The following TRMT2A variants were observed in gnomAD, a reference collection of about 807,000 sequenced individuals.
The protein encoded by TRMT2A is tRNA methyltransferase 2A.
TRMT2A carries 60 observed loss-of-function variants against 59.3 expected under a neutral mutation model. The observed-to-expected ratio is 1.01, with a 90% CI of 0.82 to 1.26. The LOEUF is 1.26. Among genes scored for constraint, TRMT2A ranks in the 50% most tolerant of loss-of-function variants. The pLI is 0.00. For missense variants in TRMT2A, 863 were observed against 845.2 expected (o/e 1.02, Z -0.26); for synonymous variants, 403 against 353.7 (o/e 1.14, Z -1.56).
Position 20,112,807 on chromosome 22 carries a change from AAG to A in TRMT2A, c.1647-15_1647-14del, listed in dbSNP as rs1491040431. ...GGCTCTGCAGAGGCTGTGGGGGGAA[AAG>A]GGGGGCGCTAAGGTCAGCCGATAGG... On this transcript the variant is annotated splice_polypyrimidine_tract_variant and intron_variant, in intron 11 of 11. Coordinates refer to ENST00000252136, the MANE Select transcript of TRMT2A (RefSeq NM_022727.6). The A allele has an allele frequency of 1.2e-6, 2 of 1,612,744 alleles. No individual in the cohort carries two copies. Among genetic ancestry groups the A allele is most frequent in the Non-Finnish European group, 1.7e-6 (2 of 1,179,928 alleles).
At position 20,112,282 on chromosome 22, in the gene TRMT2A, T is replaced by G. The variant is rs2147950612; in HGVS notation, c.*281A>C. The G allele has an allele frequency of 2.1e-6, 1 of 484,942 alleles. No homozygotes were observed. Among genetic ancestry groups the G allele is most frequent in the Non-Finnish European group, 3.7e-6 (1 of 273,328 alleles). 30.0% of individuals were successfully genotyped at this position (484,942 alleles called of 1,614,324 possible). A position where few individuals can be genotyped will look rare whatever the true frequency, so the allele number is the denominator to read the frequency against. On this transcript the variant is annotated 3_prime_UTR_variant, in exon 12 of 12. Coordinates refer to ENST00000252136, the MANE Select transcript of TRMT2A (RefSeq NM_022727.6). The stretch of plus-strand genomic sequence containing the variant: ...CAGGCCCTGTGTTCAGACCCCTGGC[T>G]CTCATCACAGAAACACCCTTTGTTG...
In TRMT2A at chr22:20,113,721, A is replaced by G. The variant is rs772573773; in HGVS notation, c.1321T>C (p.Cys441Arg). ...DAGSMVLDVC[C>R]GTGTIGLALA... ...GCCAGGCCAATGGTGCCGGTGCCAC[A>G]GCACACGTCCAGCACCATGCTCCCC... The change falls in exon 8 of 12, where the codon TGT (cysteine) becomes CGT (arginine). Residue 441 changes from cysteine to arginine, a missense_variant. Coordinates refer to ENST00000252136, the MANE Select transcript of TRMT2A (RefSeq NM_022727.6). 1.2e-6 allele frequency: 2 copies of G among 1,606,088 alleles called. No homozygotes were observed. The highest frequency in any genetic ancestry group is 1.7e-6 in the Non-Finnish European group (2 of 1,176,898).
At position 20,115,855 on chromosome 22, in the gene TRMT2A, C is replaced by A. The variant is rs1336682379; in HGVS notation, c.600-75G>T. On this transcript the variant is annotated intron_variant, in intron 2 of 11. Coordinates refer to ENST00000252136, the MANE Select transcript of TRMT2A (RefSeq NM_022727.6). ...CATGCCAGGCCACTCCCCAAATGTC[C>A]AGGCTCCTGACCCCTCCTTTGGGAT... is the stretch of plus-strand genomic sequence containing the variant. The A allele has an allele frequency of 2.0e-6, 3 of 1,476,466 alleles. No individual in the cohort carries two copies. In the East Asian group the frequency reaches 7.0e-5, roughly 35 times the overall value. The allele number at this position is 1,476,466 out of a possible 1,614,324, so 91.5% of individuals were successfully genotyped here. A position where few individuals can be genotyped will look rare whatever the true frequency, so the allele number is the denominator to read the frequency against.
rs1261939222 is a variant in TRMT2A at position 20,112,919 on chromosome 22, G to C, written c.1638C>G (p.Asn546Lys). ...VSCNPRAAMG[N>K]FVDLCRAPSN... ...CCCCTGCAGACACTCACTCCACAAA[G>C]TTGCCCATGGCTGCCCGGGGGTTGC... Residue 546 changes from asparagine (N) to lysine (K), a missense_variant, in exon 11 of 12, where the codon AAC (asparagine) becomes AAG (lysine). Physicochemically the swap from Asn to Lys is moderately conservative, Grantham distance 94. Coordinates refer to ENST00000252136, the MANE Select transcript of TRMT2A (RefSeq NM_022727.6). The C allele has an allele frequency of 6.2e-7, 1 of 1,613,688 alleles. No individual in the cohort carries two copies. The highest frequency in any genetic ancestry group is 8.5e-7 in the Non-Finnish European group (1 of 1,180,022).
In TRMT2A at chr22:20,116,283, G is replaced by T; in HGVS notation, c.354C>A (p.Ser118Arg). Residue 118 changes from serine (S) to arginine (R), a missense_variant, in exon 2 of 12, where the codon AGC (serine) becomes AGA (arginine). Physicochemically the swap from Ser to Arg is moderately radical, Grantham distance 110. Transcript: ENST00000252136. ...GCAGGGCCTTGTCCCTCTCTGCAGC[G>T]CTGCGGAATGTCACAAAGGCGCAGG... ...QPPCAFVTFRSAAERDKALRV... is the reference protein window; with the variant it reads ...QPPCAFVTFRRAAERDKALRV... The T allele has an allele frequency of 2.5e-6, 4 of 1,612,944 alleles. No individual in the cohort carries two copies. Among genetic ancestry groups the T allele is most frequent in the Non-Finnish European group, 3.4e-6 (4 of 1,180,020 alleles).
intron 8 of TRMT2A, 52 bp from the exon 9 acceptor site, chr22:20,113,559 G>A: frequency 6.2e-7 from 1 of 1,610,582 alleles, no homozygotes; most frequent in Non-Finnish European, 8.5e-7. Context: ...AGTACATGGG[G>A]CCCTGTGGGC....
chr22:20,113,660 G>A lies in TRMT2A; in HGVS notation c.1356+26C>T, dbSNP rs542698898. On this transcript the variant is annotated intron_variant, in intron 8 of 11. Coordinates refer to ENST00000252136, the MANE Select transcript of TRMT2A (RefSeq NM_022727.6). Reference sequence around the variant, plus strand: ...GGGGGTCTTGGGGTGGGGAGAGGGTGCCCTCAGCAGGGCAGGAGGGCTCAC... The same window carrying A: ...GGGGGTCTTGGGGTGGGGAGAGGGTACCCTCAGCAGGGCAGGAGGGCTCAC... The A allele has an allele frequency of 3.1e-6, 5 of 1,589,276 alleles. No homozygotes were observed. In the East Asian group the frequency reaches 9.0e-5, roughly 29 times the overall value.
In TRMT2A at chr22:20,112,249, C is replaced by G. The variant is rs2049866804; in HGVS notation, c.*314G>C. The G allele has an allele frequency of 2.4e-6, 1 of 409,904 alleles. No homozygotes were observed. Among genetic ancestry groups the G allele is most frequent in the African/African-American group, 2.0e-5 (1 of 49,742 alleles). 25.4% of individuals were successfully genotyped at this position (409,904 alleles called of 1,614,324 possible). A position where few individuals can be genotyped will look rare whatever the true frequency, so the allele number is the denominator to read the frequency against. On this transcript the variant is annotated 3_prime_UTR_variant, in exon 12 of 12. Coordinates refer to ENST00000252136, the MANE Select transcript of TRMT2A (RefSeq NM_022727.6). The stretch of plus-strand genomic sequence containing the variant: ...GCCTAGGCCTAGTTTGGCCCTTTCC[C>G]TGGCACCCAGGCCCTGTGTTCAGAC...
At chr22:20,116,645 G>A (rs768018207) in intron 1 of TRMT2A, 33 bp from the exon 2 acceptor site, 4 of 1,518,192 alleles carry the variant, frequency 2.6e-6, no homozygotes, top group Non-Finnish European at 3.5e-6. Flanking sequence ...CTAGGGTGAG[G>A]ACTAGGCCCT....
intron 9 of TRMT2A, 39 bp downstream of exon 9, chr22:20,113,393 G>GGCCCCCTGCCCCC: frequency 6.4e-7 from 1 of 1,556,264 alleles, no homozygotes; most frequent in Non-Finnish European, 8.8e-7. Flanking sequence ...GGTGGCGGCT[G>GGCCCCCTGCCCCC]CCCCCATCCC....
chr22:20,117,197 G>C lies in TRMT2A; in HGVS notation c.-291C>G. 3.7e-6 allele frequency: 2 copies of C among 541,330 alleles called. No homozygotes were observed. The highest frequency in any genetic ancestry group is 6.1e-6 in the Non-Finnish European group (2 of 326,552). The allele number at this position is 541,330 out of a possible 1,614,324, so 33.5% of individuals were successfully genotyped here. ...TTCGCCAGCCACTCTTAGTCCGCCAGCGCGTGCGGCGGAGGCCGAGCGTCT... is the reference window on the plus strand; with the variant it reads ...TTCGCCAGCCACTCTTAGTCCGCCACCGCGTGCGGCGGAGGCCGAGCGTCT... On this transcript the variant is annotated 5_prime_UTR_variant, in exon 1 of 12. Transcript: ENST00000252136.
In TRMT2A at chr22:20,115,300, T is replaced by C. The variant is rs772542823; in HGVS notation, c.856A>G (p.Lys286Glu). ...FDTVHIPEAT[K>E]QVVKAFQEFI... ...TCCTGGAAGGCCTTCACCACCTGCT[T>C]GGTGGCTTCGGGGATGTGCACGGTG... is the stretch of plus-strand genomic sequence containing the variant. The change falls in exon 4 of 12, where the codon AAG becomes GAG. Residue 286 changes from lysine to glutamate, a missense_variant. Physicochemically the swap from Lys to Glu is moderately conservative, Grantham distance 56 (BLOSUM62 1). Coordinates refer to ENST00000252136, the MANE Select transcript of TRMT2A (RefSeq NM_022727.6). 6.2e-7 allele frequency: 1 copy of C among 1,612,666 alleles called. No individual in the cohort carries two copies. Among genetic ancestry groups the C allele is most frequent in the Non-Finnish European group, 8.5e-7 (1 of 1,179,876 alleles).
chr22:20,115,200 C>A, intron 4 of TRMT2A, 66 bp downstream of exon 4: 1 of 1,583,524 alleles, frequency 6.3e-7, no homozygotes. Flanking sequence ...ATTCCCGGGG[C>A]AGGATCACCA....
At position 20,114,671 on chromosome 22, in the gene TRMT2A, T is replaced by TG; in HGVS notation, c.1135dup (p.Gln379ProfsTer100). 6.2e-7 allele frequency: 1 copy of TG among 1,613,548 alleles called. No individual in the cohort carries two copies. The highest frequency in any genetic ancestry group is 8.5e-7 in the Non-Finnish European group (1 of 1,179,980). ...CACATGCTCCAGGGGCAGGCCCTCCTGGCTAGGAGTCTTTCTGTGGGCGAA... is the reference window on the plus strand; with the variant it reads ...CACATGCTCCAGGGGCAGGCCCTCCTGGGCTAGGAGTCTTTCTGTGGGCGAA... On this transcript the variant is annotated frameshift_variant, in exon 7 of 12. Coordinates refer to ENST00000252136, the MANE Select transcript of TRMT2A (RefSeq NM_022727.6). LOFTEE classifies it high-confidence loss of function.
chr22:20,115,475 C>G, intron 3 of TRMT2A, 28 bp from the exon 4 acceptor site: 1 of 1,591,186 alleles, frequency 6.3e-7, no homozygotes, highest in Non-Finnish European at 8.6e-7. Flanking sequence ...TGCACCTTAC[C>G]CTGGCTGCCC....
At position 20,116,059 on chromosome 22, in the gene TRMT2A, T is replaced by G. The variant is rs757441110; in HGVS notation, c.578A>C (p.Gln193Pro). ...TCACTTGGCAAGTTTCTGCAGCACC[T>G]GCTCGCACTCCAGCTGCTTCCGCTC... ...QLERKQLECEQVLQKLAKEIG... is the reference protein window; with the variant it reads ...QLERKQLECEPVLQKLAKEIG... Residue 193 changes from glutamine (Q) to proline (P), a missense_variant, in exon 2 of 12, where the codon CAG (glutamine) becomes CCG (proline). Transcript: ENST00000252136. The G allele has an allele frequency of 6.4e-7, 1 of 1,567,252 alleles. No individual in the cohort carries two copies. The highest frequency in any genetic ancestry group is 8.7e-7 in the Non-Finnish European group (1 of 1,152,346).
intron 9 of TRMT2A, 31 bp downstream of exon 9, chr22:20,113,401 C>CGGGCCCCCCCCCCCCCCCCCCCCGCCGGG: frequency 1.1e-6 from 1 of 893,472 alleles, no homozygotes; most frequent in Non-Finnish European, 1.8e-6. Context: ...CTGCCCCCAT[C>CGGGCCCCCCCCCCCCCCCCCCCCGCCGGG]CCCACCCCCA....
rs771561834 is a variant in TRMT2A, at chr22:20,114,853, T to C, written c.1029A>G (p.Ala343=). 1.2e-5 allele frequency: 19 copies of C among 1,601,224 alleles called. No homozygotes were observed. The South Asian group carries it at 2.1e-4, about 18-fold the overall frequency. Residue 343 remains alanine, a synonymous_variant, in exon 6 of 12, where the codon GCA becomes GCG. Transcript: ENST00000252136. ...GCTGCGCTAGGGAGGTCTTCAGCTCTGCCAGCTCCTCAGGGCTCAGCTTCT... is the reference window on the plus strand; with the variant it reads ...GCTGCGCTAGGGAGGTCTTCAGCTCCGCCAGCTCCTCAGGGCTCAGCTTCT... The part of the protein sequence containing the change: ...HPQKLSPEEL[A]ELKTSLAQHF...
At position 20,115,080 on chromosome 22, in the gene TRMT2A, C is replaced by G. The variant is rs745340751; in HGVS notation, c.891-1G>C. 1.3e-6 allele frequency: 2 copies of G among 1,588,520 alleles called. No individual in the cohort carries two copies. Among genetic ancestry groups the G allele is most frequent in the East Asian group, 2.3e-5 (1 of 44,166 alleles). ...GTCGTATGCCGAGTATGGAGTGGAC[C>G]TGTGGGAATCACGAGCTGGCCCAAG... On this transcript the variant is annotated splice_acceptor_variant, in intron 4 of 11. Transcript: ENST00000252136. LOFTEE classifies it high-confidence loss of function.
Sources: gnomAD v4.1 joint callset for allele counts on GRCh38, gnomAD v4.1.1 for gene constraint, MANE v1.5 for transcripts, NCBI Gene and HGNC (gene_info 2026-07-23, HGNC 2026-07-21) for gene names.